The following GABRB2 variants were observed in gnomAD, a reference collection of about 807,000 sequenced individuals.
The protein encoded by GABRB2 is gamma-aminobutyric acid receptor subunit beta-2.
Under a neutral mutation model 54.7 loss-of-function variants are expected in GABRB2, and 16 were observed. That is an observed-to-expected ratio of 0.29 (90% CI 0.20 to 0.44). The LOEUF is 0.44. GABRB2 is among the 20% of genes least tolerant of loss of function. The pLI is 1.00. For missense variants in GABRB2, 355 were observed against 644.0 expected (o/e 0.55, Z 4.86); for synonymous variants, 244 against 233.8 (o/e 1.04, Z -0.40).
chr5:161,429,448 G>A (rs111256820), intron 4 of GABRB2, among the ~76,000 whole-genome samples: 13 of 151,636 alleles, frequency 8.6e-5, no homozygotes, highest in Admixed American at 7.2e-4. Context: ...TGAGCTACAA[G>A]TTAGGTGATG....
At chr5:161,305,932 T>A (rs557011871) in intron 9 of GABRB2, among the ~76,000 whole-genome samples, 1 of 152,306 alleles carries the variant, frequency 6.6e-6, no homozygotes, top group African/African-American at 2.4e-5. Context: ...GGAAAAGGGG[T>A]GGCTGACAGC....
intron 4 of GABRB2, among the ~76,000 whole-genome samples, chr5:161,456,518 T>C (rs1244487219): frequency 6.6e-6 from 1 of 152,240 alleles, no homozygotes; most frequent in East Asian, 1.9e-4. Context: ...TATTTCCATC[T>C]TGCCAGTACA....
At chr5:161,417,042 C>T (rs1423712086) in intron 4 of GABRB2, among the ~76,000 whole-genome samples, 1 of 152,160 alleles carries the variant, frequency 6.6e-6, no homozygotes, top group East Asian at 1.9e-4. Context: ...GAAAATTCTA[C>T]AGAGCTCACC....
chr5:161,305,023 T>A (rs1002738393), intron 9 of GABRB2, among the ~76,000 whole-genome samples: 2 of 144,080 alleles, frequency 1.4e-5, no homozygotes, highest in Non-Finnish European at 3.0e-5. Context: ...TTTTTTTTTT[T>A]TTTTGAGACG....
intron 4 of GABRB2, among the ~76,000 whole-genome samples, chr5:161,456,557 G>A (rs35053844): frequency 0.022 from 3,416 of 152,168 alleles, 61 homozygotes; most frequent in Non-Finnish European, 0.034. Flanking sequence ...GAAGATCAAC[G>A]TCTTTACCTT....
intron 3 of GABRB2, among the ~76,000 whole-genome samples, chr5:161,530,894 C>T (rs1395660536): frequency 1.3e-5 from 2 of 152,060 alleles, no homozygotes; most frequent in South Asian, 2.1e-4. Flanking sequence ...CCCAGATCTG[C>T]CCTACCCACG....
intron 3 of GABRB2, among the ~76,000 whole-genome samples, chr5:161,504,606 C>A: frequency 6.6e-6 from 1 of 150,964 alleles, no homozygotes. Context: ...GGAAGAAAGC[C>A]TTAACATTAA....
At chr5:161,429,304 C>CT (rs1757102748) in intron 4 of GABRB2, among the ~76,000 whole-genome samples, 1 of 131,528 alleles carries the variant, frequency 7.6e-6, no homozygotes, top group Non-Finnish European at 1.5e-5. Flanking sequence ...TGAGATCGCA[C>CT]CACTGCACTC....
intron 3 of GABRB2, among the ~76,000 whole-genome samples, chr5:161,480,539 T>C (rs556344953): frequency 6.6e-6 from 1 of 152,070 alleles, no homozygotes; most frequent in Non-Finnish European, 1.5e-5. Flanking sequence ...CAGATGTGCC[T>C]GGTACAGCAC....
intron 3 of GABRB2, among the ~76,000 whole-genome samples, chr5:161,537,837 A>G (rs1022449028): frequency 2.0e-5 from 3 of 151,992 alleles, no homozygotes; most frequent in Non-Finnish European, 2.9e-5. Context: ...CGGCTTCAAC[A>G]CCAAATCTAC....
At chr5:161,364,166 A>T (rs999685618) in intron 5 of GABRB2, among the ~76,000 whole-genome samples, 1 of 152,200 alleles carries the variant, frequency 6.6e-6, no homozygotes, top group African/African-American at 2.4e-5. Flanking sequence ...TGAATGGCAG[A>T]TACACAAAAA....
intron 4 of GABRB2, among the ~76,000 whole-genome samples, chr5:161,455,006 T>A (rs986101915): frequency 1.3e-5 from 2 of 152,140 alleles, no homozygotes; most frequent in Non-Finnish European, 2.9e-5. Flanking sequence ...CCAATAAGGA[T>A]GAAAACTGTT....
intron 5 of GABRB2, among the ~76,000 whole-genome samples, chr5:161,362,478 T>G (rs1341703495): frequency 6.6e-6 from 1 of 152,156 alleles, no homozygotes; most frequent in African/African-American, 2.4e-5. Flanking sequence ...GGTAAAGACT[T>G]CATGACTAAA....
chr5:161,439,805 A>G (rs1230271043), intron 4 of GABRB2, among the ~76,000 whole-genome samples: 2 of 151,978 alleles, frequency 1.3e-5, no homozygotes, highest in African/African-American at 4.8e-5. Flanking sequence ...AACAACACAC[A>G]TGAGGGCCTG....
In GABRB2 at chr5:161,529,695, T is replaced by G. The variant is rs190650431; in HGVS notation, c.237+15532A>C. Among the ~76,000 whole-genome samples the G allele has an allele frequency of 9.1e-4, 139 of 152,204 alleles. 1 individual carries two copies. Among genetic ancestry groups the G allele is most frequent in the African/African-American group, 3.1e-3 (130 of 41,570 alleles). On this transcript the variant is annotated intron_variant, in intron 3 of 9. Coordinates refer to ENST00000393959, the MANE Select transcript of GABRB2 (RefSeq NM_001371727.1). Reference sequence around the variant, plus strand: ...TAGTGTTACTAGTCGTAATCAAATATATCCCAATTGTATGTCAAAGTTCTA... The same window carrying G: ...TAGTGTTACTAGTCGTAATCAAATAGATCCCAATTGTATGTCAAAGTTCTA...
At chr5:161,459,333 C>A in intron 4 of GABRB2, 1 of 392,834 alleles carries the variant, frequency 2.5e-6, no homozygotes, top group Non-Finnish European at 4.7e-6. Context: ...TTTAAAGAAA[C>A]CCTATGTCTC....
chr5:161,464,546 A>G (rs1758220742), intron 3 of GABRB2, among the ~76,000 whole-genome samples: 1 of 152,114 alleles, frequency 6.6e-6, no homozygotes, highest in Non-Finnish European at 1.5e-5. Context: ...ATTTATTATA[A>G]TGTTAACATA....
In GABRB2 at chr5:161,374,405, T is replaced by A. The variant is rs115310238; in HGVS notation, c.541+36570A>T. ...ATGGTCCCTACTTGTAAATGAAACATCCTTTCAATTATTCATCCATAACTC... is the reference window on the plus strand; with the variant it reads ...ATGGTCCCTACTTGTAAATGAAACAACCTTTCAATTATTCATCCATAACTC... On this transcript the variant is annotated intron_variant, in intron 5 of 9. Transcript: ENST00000393959. Among the ~76,000 whole-genome samples, 397 of 152,294 alleles carry A rather than the reference T, an allele frequency of 2.6e-3. 4 individuals are homozygous for A. Among genetic ancestry groups the A allele is most frequent in the African/African-American group, 8.2e-3 (342 of 41,544 alleles).
intron 3 of GABRB2, among the ~76,000 whole-genome samples, chr5:161,516,391 G>C (rs961275455): frequency 6.6e-6 from 1 of 150,550 alleles, no homozygotes; most frequent in African/African-American, 2.4e-5. Flanking sequence ...ATGTGAGTTC[G>C]CCTTGCCTTC....
Sources: gnomAD v4.1 joint callset for allele counts (sites outside exome capture counted in the v4.1 genomes callset) on GRCh38, gnomAD v4.1.1 for gene constraint, MANE v1.5 for transcripts, NCBI Gene and HGNC (gene_info 2026-07-23, HGNC 2026-07-21) for gene names.